Variants in CC2D2B observed in about 807,000 individuals in gnomAD.
CC2D2B encodes the protein protein CC2D2B.
In CC2D2B, 128 loss-of-function variants were observed where a neutral mutation model predicts 161.2. The ratio of observed to expected loss-of-function variants is 0.79; its 90% CI spans 0.69 to 0.92. CC2D2B has a LOEUF of 0.92. CC2D2B is among the 40% of genes least tolerant of loss of function. CC2D2B has a pLI of 0.00. For synonymous variants in CC2D2B, 391 were observed against 449.8 expected, an observed-to-expected ratio of 0.87 and a Z score of 1.65; for missense variants, 1,173 against 1,375.1, an observed-to-expected ratio of 0.85 and a Z score of 2.32.
chr10:95,964,250 A>G (rs939678550), intron 12 of CC2D2B, among the ~76,000 whole-genome samples: 7 of 152,300 alleles, frequency 4.6e-5, no homozygotes, highest in East Asian at 1.9e-4. Flanking sequence ...CCCTGCTTCA[A>G]TAGTTTCCCT....
At position 96,013,752 on chromosome 10, in the gene CC2D2B, A is replaced by C. The variant is rs774460048; in HGVS notation, c.3427-36A>C. 3 of 1,290,026 alleles carry C rather than the reference A, an allele frequency of 2.3e-6. No homozygotes were observed. In the African/African-American group the frequency reaches 4.4e-5, roughly 19 times the overall value. The allele number at this position is 1,290,026 out of a possible 1,614,324, so 79.9% of individuals were successfully genotyped here. ...AAGCATTGTGCTAAGTGATGGACATACAGCACACACTCAATAAATGTGAAT... is the reference window on the plus strand; with the variant it reads ...AAGCATTGTGCTAAGTGATGGACATCCAGCACACACTCAATAAATGTGAAT... On this transcript the variant is annotated intron_variant, in intron 28 of 34. Coordinates refer to ENST00000646931, the MANE Select transcript of CC2D2B (RefSeq NM_001349008.3).
intron 16 of CC2D2B, among the ~76,000 whole-genome samples, chr10:95,973,580 C>T (rs1485214894): frequency 6.6e-6 from 1 of 151,968 alleles, no homozygotes; most frequent in Non-Finnish European, 1.5e-5. Flanking sequence ...GAGTTAGGGC[C>T]GGGCGTGGTG....
In CC2D2B at chr10:95,991,614, G is replaced by A. The variant is rs7090908; in HGVS notation, c.2471+153G>A. On this transcript the variant is annotated intron_variant, in intron 21 of 34. Transcript: ENST00000646931. ...GAAATATAATGATTTAAAATATTTG[G>A]TCAATTTAAAGTTGCATTTTGGGAT... Among the ~76,000 whole-genome samples the A allele has an allele frequency of 2.9e-3, 438 of 152,150 alleles. 2 individuals are homozygous for A. The highest frequency in any genetic ancestry group is 0.01 in the African/African-American group (424 of 41,508).
At chr10:96,018,548 T>G (rs1389183957) in intron 30 of CC2D2B, among the ~76,000 whole-genome samples, 3 of 152,128 alleles carry the variant, frequency 2.0e-5, no homozygotes, top group Non-Finnish European at 4.4e-5. Flanking sequence ...CTCAAAACAC[T>G]GCAGTACTAT....
rs1564684253 is a variant in CC2D2B, at chr10:96,025,186, A to ATAT, written c.3947+275_3947+276insTAT. Reference sequence around the variant, plus strand: ...ATATATATATATATATATATATATAAAAAAAAATATATATATATATATATA... The same window carrying ATAT: ...ATATATATATATATATATATATATAATATAAAAAAATATATATATATATATATA... On this transcript the variant is annotated intron_variant, in intron 33 of 34. Coordinates refer to ENST00000646931, the MANE Select transcript of CC2D2B (RefSeq NM_001349008.3). Among the ~76,000 whole-genome samples, 14 of 41,366 alleles carry ATAT rather than the reference A, an allele frequency of 3.4e-4. No individual in the cohort carries two copies. In the South Asian group the frequency reaches 6.8e-3, roughly 20 times the overall value. The allele number at this position is 41,366 out of a possible 152,430, so 27.1% of individuals were successfully genotyped here.
At chr10:96,025,166 T>TATATAAAAAAAA (rs1564683697) in intron 33 of CC2D2B, among the ~76,000 whole-genome samples, 1 of 9,972 alleles carries the variant, frequency 1.0e-4, no homozygotes, top group African/African-American at 5.6e-4. Context: ...TATATATATA[T>TATATAAAAAAAA]ATATATATAT....
intron 6 of CC2D2B, among the ~76,000 whole-genome samples, chr10:95,933,148 A>G (rs1360938251): frequency 1.3e-5 from 2 of 151,642 alleles, no homozygotes; most frequent in Admixed American, 6.6e-5. Context: ...AATCTCTGGT[A>G]TCTTTTCTTC....
At position 95,947,114 on chromosome 10, in the gene CC2D2B, T is replaced by TATATATATATATA. The variant is rs1491386108; in HGVS notation, c.802-2782_802-2781insATATATATATATA. ...ATATATATATATATATATATATATA[T>TATATATATATATA]TTTTTTTTTTTTTTTTGAGACAAAG... is the stretch of plus-strand genomic sequence containing the variant. On this transcript the variant is annotated intron_variant, in intron 9 of 34. Coordinates refer to ENST00000646931, the MANE Select transcript of CC2D2B (RefSeq NM_001349008.3). Among the ~76,000 whole-genome samples, 47 of 23,862 alleles carry TATATATATATATA rather than the reference T, an allele frequency of 2.0e-3. 1 individual carries two copies. The highest frequency in any genetic ancestry group is 5.1e-3 in the Admixed American group (7 of 1,382). 15.7% of individuals were successfully genotyped at this position (23,862 alleles called of 152,430 possible). A position where few individuals can be genotyped will look rare whatever the true frequency, so the allele number is the denominator to read the frequency against.
intron 9 of CC2D2B, among the ~76,000 whole-genome samples, chr10:95,940,482 A>G (rs1428678498): frequency 2.0e-5 from 3 of 152,164 alleles, no homozygotes; most frequent in African/African-American, 7.2e-5. Context: ...CCAGGTCCCA[A>G]AAGTATTCTT....
intron 9 of CC2D2B, among the ~76,000 whole-genome samples, chr10:95,944,308 A>G (rs2076122663): frequency 6.6e-6 from 1 of 152,162 alleles, no homozygotes; most frequent in Non-Finnish European, 1.5e-5. Flanking sequence ...AGTTGTCAAG[A>G]TTTTATAAAT....
intron 17 of CC2D2B, among the ~76,000 whole-genome samples, chr10:95,980,860 C>T (rs2077491575): frequency 6.6e-6 from 1 of 152,128 alleles, no homozygotes; most frequent in South Asian, 2.1e-4. Context: ...AGACAGGAAC[C>T]TTTCTGGACT....
At chr10:95,939,023 T>G in intron 9 of CC2D2B, 98 bp downstream of exon 9, 1 of 549,730 alleles carries the variant, frequency 1.8e-6, no homozygotes, top group Non-Finnish European at 3.2e-6. Context: ...TTAAAGATAC[T>G]AAGTCTACTA....
intron 25 of CC2D2B, 30 bp downstream of exon 25, chr10:96,004,278 C>T (rs771862766): frequency 1.7e-6 from 2 of 1,153,756 alleles, no homozygotes; most frequent in African/African-American, 3.2e-5. Context: ...ATAGCCAATG[C>T]TGAAATAATT....
chr10:95,940,532 A>G (rs776648759), intron 9 of CC2D2B, among the ~76,000 whole-genome samples: 4 of 152,106 alleles, frequency 2.6e-5, no homozygotes, highest in Non-Finnish European at 5.9e-5. Flanking sequence ...TACCTTTCTC[A>G]TTTAGAGTTA....
chr10:95,970,179 G>GC (rs1204511985), intron 15 of CC2D2B, among the ~76,000 whole-genome samples: 3 of 151,744 alleles, frequency 2.0e-5, no homozygotes, highest in African/African-American at 7.3e-5. Flanking sequence ...GGATACAGAT[G>GC]CCCACCACCA....
chr10:95,970,924 CT>C (rs1394436921), intron 15 of CC2D2B, among the ~76,000 whole-genome samples: 1 of 152,084 alleles, frequency 6.6e-6, no homozygotes, highest in South Asian at 2.1e-4. Flanking sequence ...GCCTCTTTGA[CT>C]TTCCTTTTTC....
chr10:95,924,031 A>T (rs998072436), intron 3 of CC2D2B, among the ~76,000 whole-genome samples: 9 of 152,012 alleles, frequency 5.9e-5, no homozygotes, highest in Non-Finnish European at 8.8e-5. Context: ...CAAAAAAAAT[A>T]AAAAAAATAA....
At chr10:95,918,497 C>T (rs1239014769) in intron 2 of CC2D2B, among the ~76,000 whole-genome samples, 1 of 152,172 alleles carries the variant, frequency 6.6e-6, no homozygotes, top group African/African-American at 2.4e-5. Flanking sequence ...ATTGGAGTTC[C>T]AATTTATGTT....
intron 34 of CC2D2B, among the ~76,000 whole-genome samples, chr10:96,029,245 T>G (rs1193249214): frequency 8.4e-5 from 1 of 11,974 alleles, no homozygotes; most frequent in East Asian, 8.5e-3. Flanking sequence ...ATGTACCATA[T>G]ATATATATAT....
Sources: allele counts gnomAD v4.1 joint callset (sites outside exome capture counted in the v4.1 genomes callset), GRCh38; gene constraint gnomAD v4.1.1; transcripts MANE v1.5; gene names NCBI Gene and HGNC (gene_info 2026-07-23, HGNC 2026-07-21).